CADPS: variants seen among roughly 807,000 people sequenced by gnomAD.
CADPS encodes the protein calcium dependent secretion activator.
In CADPS, 57 loss-of-function variants were observed where a neutral mutation model predicts 167.3. The ratio of observed to expected loss-of-function variants is 0.34; its 90% confidence interval spans 0.28 to 0.42. The LOEUF (loss-of-function observed/expected upper bound fraction) is 0.42, where lower values mean the gene tolerates loss of function less well. Ranked by LOEUF, CADPS falls within the 20% of genes least tolerant of loss-of-function variation. The pLI is 1.00. For synonymous variants in CADPS, 676 were observed against 635.3 expected (o/e 1.06, Z -0.96); for missense variants, 1,414 against 1,738.1 (o/e 0.81, Z 3.32).
At chr3:62,625,887 T>G (rs1348628961) in intron 6 of CADPS, 2 of 151,138 alleles carry the variant, frequency 1.3e-5, no homozygotes, top group Non-Finnish European at 2.9e-5. Context: ...CACTACTAAA[T>G]GTACATGATT....
intron 24 of CADPS, among the ~76,000 whole-genome samples, chr3:62,469,469 T>C (rs1451092828): frequency 6.6e-6 from 1 of 152,184 alleles, no homozygotes; most frequent in Non-Finnish European, 1.5e-5. Context: ...CCAGATACGG[T>C]ACAAAGAGGG....
At chr3:62,859,806 T>G (rs2153171966) in intron 1 of CADPS, among the ~76,000 whole-genome samples, 1 of 152,302 alleles carries the variant, frequency 6.6e-6, no homozygotes, top group South Asian at 2.1e-4. Context: ...TTGGTTTGTG[T>G]TGACAATATT....
chr3:62,694,069 G>A (rs543194405), intron 3 of CADPS, among the ~76,000 whole-genome samples: 1 of 152,196 alleles, frequency 6.6e-6, no homozygotes, highest in East Asian at 1.9e-4. Flanking sequence ...TAGGTACTCA[G>A]TGGCCATGGT....
intron 24 of CADPS, among the ~76,000 whole-genome samples, chr3:62,473,436 A>G (rs1232453092): frequency 6.6e-6 from 1 of 152,250 alleles, no homozygotes; most frequent in African/African-American, 2.4e-5. Flanking sequence ...ATTTATGCCA[A>G]TTGGCAACAA....
In CADPS at chr3:62,544,274, T is replaced by C. The variant is rs563383035; in HGVS notation, c.1966+5629A>G. ...AATGAACTCTTTAGTGTTCAAATAATGCATTTGCTTTCTTAATTGTATTTT... is the reference window on the plus strand; with the variant it reads ...AATGAACTCTTTAGTGTTCAAATAACGCATTTGCTTTCTTAATTGTATTTT... On this transcript the variant is annotated intron_variant, in intron 11 of 29. Transcript: ENST00000383710. This position sits in a 1 kb window ranked among gnomAD's most constrained non-coding sequence, Gnocchi z 4.4. 1.4e-4 allele frequency among the ~76,000 whole-genome samples: 21 copies of C among 152,300 alleles called. No homozygotes were observed. The highest frequency in any genetic ancestry group is 3.4e-3 in the Middle Eastern group (1 of 294).
chr3:62,410,471 A>C (rs2048749064), intron 28 of CADPS, among the ~76,000 whole-genome samples: 1 of 152,234 alleles, frequency 6.6e-6, no homozygotes, highest in Non-Finnish European at 1.5e-5. Context: ...TCAGAAGTAA[A>C]GTGGTCTAGC....
chr3:62,509,882 A>G (rs2067409726), intron 17 of CADPS, among the ~76,000 whole-genome samples: 1 of 152,196 alleles, frequency 6.6e-6, no homozygotes, highest in Non-Finnish European at 1.5e-5. Flanking sequence ...ACAAAAATGC[A>G]TGGTATTTAA....
chr3:62,570,925 T>A lies in CADPS; in HGVS notation c.1591A>T (p.Ile531Phe), dbSNP rs750792310. The A allele has an allele frequency of 3.1e-6, 5 of 1,608,470 alleles. No homozygotes were observed. The highest frequency in any genetic ancestry group is 4.3e-6 in the Non-Finnish European group (5 of 1,174,910). Residue 531 changes from isoleucine (I) to phenylalanine (F), a missense_variant, in exon 9 of 30, where the codon ATC becomes TTC. Ile to Phe is a conservative substitution (Grantham distance 21, BLOSUM62 0). This residue lies in a region of CADPS where 157 missense variants were observed against 229.4 expected (regional missense o/e 0.68). Coordinates refer to ENST00000383710, the MANE Select transcript of CADPS (RefSeq NM_003716.4). ...CATCTCTTCCAGACATTCTTACCGATGGCCCATAAATACCTAAGGGAAAGG... is the reference window on the plus strand; with the variant it reads ...CATCTCTTCCAGACATTCTTACCGAAGGCCCATAAATACCTAAGGGAAAGG... ...NMKHSGYLWA[I>F]GKNVWKRWKK...
Position 62,432,296 on chromosome 3 carries a change from T to A in CADPS, c.3777+5808A>T, listed in dbSNP as rs563873345. 7.2e-5 allele frequency among the ~76,000 whole-genome samples: 11 copies of A among 152,248 alleles called. No individual in the cohort carries two copies. The South Asian group carries it at 2.3e-3, about 32-fold the overall frequency. Reference sequence around the variant, plus strand: ...CCAGTTTCTTTACAGATGGGGAAATTGAGGCTTAGGGAAGTGAAATAATTG... The same window carrying A: ...CCAGTTTCTTTACAGATGGGGAAATAGAGGCTTAGGGAAGTGAAATAATTG... On this transcript the variant is annotated intron_variant, in intron 28 of 29. Coordinates refer to ENST00000383710, the MANE Select transcript of CADPS (RefSeq NM_003716.4).
chr3:62,725,812 G>T (rs1391582296), intron 3 of CADPS, among the ~76,000 whole-genome samples: 1 of 151,844 alleles, frequency 6.6e-6, no homozygotes, highest in African/African-American at 2.4e-5. Context: ...AGTGGCCAAG[G>T]GAAACATTTA....
intron 3 of CADPS, among the ~76,000 whole-genome samples, chr3:62,697,036 A>AG (rs2080429929): frequency 6.6e-6 from 1 of 152,110 alleles, no homozygotes; most frequent in Admixed American, 6.5e-5. Context: ...CGCTTTGGAG[A>AG]CACAAAGACT....
chr3:62,458,400 G>A lies in CADPS; in HGVS notation c.3636+6967C>T, dbSNP rs2150226588. Among the ~76,000 whole-genome samples, 1 of 152,274 alleles carries A rather than the reference G, an allele frequency of 6.6e-6. No homozygotes were observed. Among genetic ancestry groups the A allele is most frequent in the Non-Finnish European group, 1.5e-5 (1 of 68,024 alleles). Reference sequence around the variant, plus strand: ...TCTGGCGATAAACTTCCCACTGCATGTGATTTGGAGGTCAGGATAGAATCT... The same window carrying A: ...TCTGGCGATAAACTTCCCACTGCATATGATTTGGAGGTCAGGATAGAATCT... On this transcript the variant is annotated intron_variant, in intron 26 of 29. Coordinates refer to ENST00000383710, the MANE Select transcript of CADPS (RefSeq NM_003716.4). This position sits in a 1 kb window ranked among gnomAD's most constrained non-coding sequence, Gnocchi z 4.6.
At chr3:62,723,187 C>T (rs1581152260) in intron 3 of CADPS, among the ~76,000 whole-genome samples, 1 of 152,072 alleles carries the variant, frequency 6.6e-6, no homozygotes, top group Admixed American at 6.6e-5. Flanking sequence ...AAGTACAGTG[C>T]CTTTAGCTAA....
intron 28 of CADPS, among the ~76,000 whole-genome samples, chr3:62,413,701 T>C (rs2149285559): frequency 6.6e-6 from 1 of 152,284 alleles, no homozygotes; most frequent in East Asian, 1.9e-4. Context: ...TGTGAATCTA[T>C]ATAATACTAT....
At chr3:62,823,780 C>T (rs2073467619) in intron 1 of CADPS, among the ~76,000 whole-genome samples, 1 of 152,146 alleles carries the variant, frequency 6.6e-6, no homozygotes, top group African/African-American at 2.4e-5. Context: ...TCCATGATGT[C>T]TTTGAATAAA....
intron 3 of CADPS, among the ~76,000 whole-genome samples, chr3:62,720,951 G>A (rs1402632829): frequency 6.6e-6 from 1 of 151,042 alleles, no homozygotes; most frequent in African/African-American, 2.4e-5. Context: ...CTGAGTAGCT[G>A]GGACTACAGG....
chr3:62,599,797 A>ATT lies in CADPS; in HGVS notation c.1326-7050_1326-7049insAA, dbSNP rs1553969034. Among the ~76,000 whole-genome samples the ATT allele has an allele frequency of 2.9e-3, 25 of 8,536 alleles. 1 individual carries two copies. The highest frequency in any genetic ancestry group is 8.0e-3 in the African/African-American group (24 of 2,982). The allele number at this position is 8,536 out of a possible 152,430, so 5.6% of individuals were successfully genotyped here. On this transcript the variant is annotated intron_variant, in intron 6 of 29. Transcript: ENST00000383710. ...TATATATATTATATATAATATATATAATATATAATAAATAATATATTATAT... is the reference window on the plus strand; with the variant it reads ...TATATATATTATATATAATATATATATTATATATAATAAATAATATATTATAT...
intron 28 of CADPS, among the ~76,000 whole-genome samples, chr3:62,423,849 A>G (rs2052009917): frequency 1.3e-5 from 2 of 152,216 alleles, no homozygotes; most frequent in African/African-American, 4.8e-5. Flanking sequence ...AAAAGAAATA[A>G]CACATTTAAC....
At chr3:62,591,648 G>C (rs556960281) in intron 7 of CADPS, among the ~76,000 whole-genome samples, 6 of 152,154 alleles carry the variant, frequency 3.9e-5, no homozygotes, top group Non-Finnish European at 7.3e-5. Flanking sequence ...AAATCAACTT[G>C]TGAAAATATT....
Sources: allele counts gnomAD v4.1 joint callset (sites outside exome capture counted in the v4.1 genomes callset), GRCh38; gene constraint gnomAD v4.1.1; regional missense constraint gnomAD v4.1.1; non-coding constraint Gnocchi (gnomAD v3.1); transcripts MANE v1.5; gene names NCBI Gene and HGNC (gene_info 2026-07-23, HGNC 2026-07-21).